Variants in CASZ1 observed in about 807,000 individuals in gnomAD.
CASZ1 encodes castor zinc finger 1.
Under a neutral mutation model 135.2 loss-of-function variants are expected in CASZ1, and 28 were observed. That is an observed-to-expected ratio of 0.21 (90% CI 0.15 to 0.28). CASZ1 has a LOEUF of 0.28. Ranked by LOEUF, CASZ1 falls within the 10% of genes least tolerant of loss-of-function variation. CASZ1 has a pLI of 1.00. For synonymous variants in CASZ1, 1,068 were observed against 1,073.4 expected, an observed-to-expected ratio of 0.99 and a Z score of 0.10; for missense variants, 2,161 against 2,453.3, an observed-to-expected ratio of 0.88 and a Z score of 2.52.
Position 10,679,982 on chromosome 1 carries a change from C to T in CASZ1, c.16+13892G>A, listed in dbSNP as rs1054997786. On this transcript the variant is annotated intron_variant, in intron 4 of 20. Transcript: ENST00000377022. The surrounding 1 kb of genome is among the most constrained non-coding windows in gnomAD (Gnocchi z 4.7). ...GCTGAGCCCCTTGGCCCTTAGGGGA[C>T]TCCTGGCTGGACTCTAGGGGGTCTG... Among the ~76,000 whole-genome samples the T allele has an allele frequency of 5.3e-5, 8 of 152,142 alleles. No individual in the cohort carries two copies. Among genetic ancestry groups the T allele is most frequent in the Middle Eastern group, 3.2e-3 (1 of 316 alleles).
In CASZ1 at chr1:10,756,040, C is replaced by T. The variant is rs181644017; in HGVS notation, c.-77+4661G>A. ...TGCACAGATGCACACGCCTCCCACCCGGACACACCCTCCCCCAGGGCCGGC... is the reference window on the plus strand; with the variant it reads ...TGCACAGATGCACACGCCTCCCACCTGGACACACCCTCCCCCAGGGCCGGC... On this transcript the variant is annotated intron_variant, in intron 2 of 20. Transcript: ENST00000377022. This position sits in a 1 kb window ranked among gnomAD's most constrained non-coding sequence, Gnocchi z 5.9. Among the ~76,000 whole-genome samples the T allele has an allele frequency of 6.6e-6, 1 of 152,286 alleles. No individual in the cohort carries two copies. Among genetic ancestry groups the T allele is most frequent in the African/African-American group, 2.4e-5 (1 of 41,568 alleles).
At chr1:10,659,134 A>G (rs1642908275) in intron 6 of CASZ1, among the ~76,000 whole-genome samples, 1 of 152,068 alleles carries the variant, frequency 6.6e-6, no homozygotes, top group African/African-American at 2.4e-5. Context: ...GTAAGGGTGT[A>G]TGCACCTAAC....
chr1:10,709,495 G>A lies in CASZ1; in HGVS notation c.-76-3951C>T, dbSNP rs1010523946. ...TATTGAGGAGCTGTCAGGAGCCCGAGTGAGAGTCTCACTACCCCGGGACCA... is the reference window on the plus strand; with the variant it reads ...TATTGAGGAGCTGTCAGGAGCCCGAATGAGAGTCTCACTACCCCGGGACCA... On this transcript the variant is annotated intron_variant, in intron 2 of 20. Transcript: ENST00000377022. The surrounding 1 kb of genome is among the most constrained non-coding windows in gnomAD (Gnocchi z 5.1). 2.0e-5 allele frequency among the ~76,000 whole-genome samples: 3 copies of A among 152,214 alleles called. No homozygotes were observed. The highest frequency in any genetic ancestry group is 4.4e-5 in the Non-Finnish European group (3 of 68,026).
At chr1:10,704,829 C>T (rs1291713933) in intron 3 of CASZ1, among the ~76,000 whole-genome samples, 4 of 152,346 alleles carry the variant, frequency 2.6e-5, no homozygotes, top group Middle Eastern at 3.4e-3. Context: ...GGTGGCCCCG[C>T]GGTTTCTCGC....
intron 2 of CASZ1, among the ~76,000 whole-genome samples, chr1:10,751,708 G>A (rs1557550978): frequency 2.6e-5 from 4 of 152,150 alleles, no homozygotes; most frequent in Admixed American, 6.5e-5. Context: ...CGGCACCCCC[G>A]GCCCCCTTCT....
At position 10,660,226 on chromosome 1, in the gene CASZ1, G is replaced by T. The variant is rs1642971873; in HGVS notation, c.816C>A (p.Thr272=). Residue 272 remains threonine, a synonymous_variant, in exon 6 of 21, where the codon ACC becomes ACA. Coordinates refer to ENST00000377022, the MANE Select transcript of CASZ1 (RefSeq NM_001079843.3). ...TGCTGGGCAGCCGCAGGCCGGGCAG[G>T]GTGCCCACCACCTCCTTGCCCACCC... is the stretch of plus-strand genomic sequence containing the variant. ...EERVGKEVVG[T]LPGLRLPSST... The T allele has an allele frequency of 1.2e-6, 2 of 1,613,042 alleles. No homozygotes were observed. The highest frequency in any genetic ancestry group is 1.7e-6 in the Non-Finnish European group (2 of 1,179,774).
rs755334554 is a variant in CASZ1 at position 10,654,443 on chromosome 1, T to G, written c.1814A>C (p.Gln605Pro). ...CCTGCAGTGGAAGTGCGTGGTCTTC[T>G]GTCCGTAGAACTGGCAGTCGGCTGT... ...CGTADCQFYG[Q>P]KTTHFHCRRP... is the part of the protein sequence containing the mutation. The change falls in exon 10 of 21, where the codon CAG becomes CCG. Residue 605 changes from glutamine (Q) to proline (P), a missense_variant. Gln to Pro is a moderately conservative substitution (Grantham distance 76). This residue lies in a region of CASZ1 where 248 missense variants were observed against 410.8 expected (regional missense o/e 0.60). Transcript: ENST00000377022. 9.9e-6 allele frequency: 16 copies of G among 1,614,056 alleles called. No homozygotes were observed. Among genetic ancestry groups the G allele is most frequent in the Non-Finnish European group, 1.7e-6 (2 of 1,180,030 alleles).
chr1:10,658,437 G>A (rs1274271234), intron 7 of CASZ1, 71 bp downstream of exon 7: 20 of 1,290,980 alleles, frequency 1.5e-5, no homozygotes, highest in South Asian at 7.2e-5. Context: ...TCAAACGAAT[G>A]GCCTCAGAGT....
In CASZ1 at chr1:10,638,910, G is replaced by C; in HGVS notation, c.*32C>G. The C allele has an allele frequency of 1.0e-6, 1 of 980,536 alleles. No individual in the cohort carries two copies. Among genetic ancestry groups the C allele is most frequent in the Non-Finnish European group, 1.2e-6 (1 of 828,310 alleles). The allele number at this position is 980,536 out of a possible 1,614,324, so 60.7% of individuals were successfully genotyped here. ...CGGCGCCGCTCCCGAGGCCGAGGCC[G>C]AGGCCGCCGCCAGGGCCACCCGCGG... On this transcript the variant is annotated 3_prime_UTR_variant, in exon 21 of 21. Transcript: ENST00000377022. This position sits in a 1 kb window ranked among gnomAD's most constrained non-coding sequence, Gnocchi z 5.9.
At chr1:10,715,062 T>C (rs1001534944) in intron 2 of CASZ1, among the ~76,000 whole-genome samples, 1 of 152,202 alleles carries the variant, frequency 6.6e-6, no homozygotes, top group Non-Finnish European at 1.5e-5. Flanking sequence ...GGCTCCACCT[T>C]TCCTCGGCTC....
intron 1 of CASZ1, among the ~76,000 whole-genome samples, chr1:10,783,980 C>A (rs1251307585): frequency 6.6e-6 from 1 of 152,036 alleles, no homozygotes; most frequent in Non-Finnish European, 1.5e-5. Context: ...CTTTCTGCGC[C>A]ACCTCCATCA....
At position 10,676,632 on chromosome 1, in the gene CASZ1, A is replaced by C. The variant is rs1638232604; in HGVS notation, c.17-11061T>G. ...TGCCCTGGGATCCTATTTCCACAGC[A>C]GGCCTCCCTCCACCTTGGTGCCTGC... On this transcript the variant is annotated intron_variant, in intron 4 of 20. Transcript: ENST00000377022. This position sits in a 1 kb window ranked among gnomAD's most constrained non-coding sequence, Gnocchi z 4.5. Among the ~76,000 whole-genome samples, 1 of 152,118 alleles carries C rather than the reference A, an allele frequency of 6.6e-6. No individual in the cohort carries two copies. The highest frequency in any genetic ancestry group is 1.5e-5 in the Non-Finnish European group (1 of 68,002).
intron 2 of CASZ1, among the ~76,000 whole-genome samples, chr1:10,714,553 G>A (rs538688186): frequency 1.3e-5 from 2 of 152,252 alleles, no homozygotes; most frequent in South Asian, 4.1e-4. Flanking sequence ...GGCACCCCCC[G>A]CCACCACCAC....
intron 5 of CASZ1, among the ~76,000 whole-genome samples, chr1:10,661,706 T>C (rs1042448826): frequency 1.4e-4 from 20 of 140,762 alleles, no homozygotes; most frequent in African/African-American, 5.4e-4. Context: ...CAAACACACC[T>C]ACACAGTCAC....
At chr1:10,784,208 G>A (rs1640814186) in intron 1 of CASZ1, among the ~76,000 whole-genome samples, 1 of 152,232 alleles carries the variant, frequency 6.6e-6, no homozygotes, top group Non-Finnish European at 1.5e-5. Flanking sequence ...TGGCACCACA[G>A]AGACCTTGGT....
rs533780191 is a variant in CASZ1, at chr1:10,646,066, G to A, written c.3696+62C>T. On this transcript the variant is annotated intron_variant, in intron 17 of 20. Coordinates refer to ENST00000377022, the MANE Select transcript of CASZ1 (RefSeq NM_001079843.3). This position sits in a 1 kb window ranked among gnomAD's most constrained non-coding sequence, Gnocchi z 6.4. Reference sequence around the variant, plus strand: ...CCAGGAGGTGACTGTCCTGTGCCCTGAGCTAGCCCTGCACCTCCCTGCCCC... The same window carrying A: ...CCAGGAGGTGACTGTCCTGTGCCCTAAGCTAGCCCTGCACCTCCCTGCCCC... 89 of 1,527,684 alleles carry A rather than the reference G, an allele frequency of 5.8e-5. No homozygotes were observed. The African/African-American group carries it at 9.8e-4, about 17-fold the overall frequency. The allele number at this position is 1,527,684 out of a possible 1,614,324, so 94.6% of individuals were successfully genotyped here.
rs1638954670 is a variant in CASZ1 at position 10,697,255 on chromosome 1, T to A, written c.-23-3343A>T. ...CCAGATTATGCGCCCCCCCCTTCTC[T>A]CTCTTTCTCTCTGAGTGTATCTGCT... On this transcript the variant is annotated intron_variant, in intron 3 of 20. Coordinates refer to ENST00000377022, the MANE Select transcript of CASZ1 (RefSeq NM_001079843.3). This position sits in a 1 kb window ranked among gnomAD's most constrained non-coding sequence, Gnocchi z 4.7. 6.6e-6 allele frequency among the ~76,000 whole-genome samples: 1 copy of A among 150,696 alleles called. No individual in the cohort carries two copies. The highest frequency in any genetic ancestry group is 2.1e-4 in the South Asian group (1 of 4,752).
In CASZ1 at chr1:10,777,344, T is replaced by A. The variant is rs1218751156; in HGVS notation, c.-233-16487A>T. Among the ~76,000 whole-genome samples, 1 of 152,158 alleles carries A rather than the reference T, an allele frequency of 6.6e-6. No homozygotes were observed. The highest frequency in any genetic ancestry group is 1.5e-5 in the Non-Finnish European group (1 of 68,024). On this transcript the variant is annotated intron_variant, in intron 1 of 20. Transcript: ENST00000377022. This position sits in a 1 kb window ranked among gnomAD's most constrained non-coding sequence, Gnocchi z 4.4. Reference sequence around the variant, plus strand: ...TCCGAGTCCTGGGCCAGGCCACCTCTGACCTCTGTGACTTCACCCTTCACC... The same window carrying A: ...TCCGAGTCCTGGGCCAGGCCACCTCAGACCTCTGTGACTTCACCCTTCACC...
At position 10,762,300 on chromosome 1, in the gene CASZ1, G is replaced by A. The variant is rs12073890; in HGVS notation, c.-233-1443C>T. 0.07 allele frequency among the ~76,000 whole-genome samples: 10,660 copies of A among 151,938 alleles called. 593 individuals are homozygous for A. The highest frequency in any genetic ancestry group is 0.15 in the African/African-American group (6,394 of 41,404). On this transcript the variant is annotated intron_variant, in intron 1 of 20. Transcript: ENST00000377022. This position sits in a 1 kb window ranked among gnomAD's most constrained non-coding sequence, Gnocchi z 4.1. ...CCCAGCTCCCATCCCACCCCTCGGC[G>A]CCACACAGGGTTAACAGCGGGTTTC...
Sources: allele counts gnomAD v4.1 joint callset (sites outside exome capture counted in the v4.1 genomes callset), GRCh38; gene constraint gnomAD v4.1.1; regional missense constraint gnomAD v4.1.1; non-coding constraint Gnocchi (gnomAD v3.1); transcripts MANE v1.5; gene names NCBI Gene and HGNC (gene_info 2026-07-23, HGNC 2026-07-21).